The following BRINP3 variants were observed in gnomAD, a reference collection of about 807,000 sequenced individuals.
BRINP3 encodes BMP/retinoic acid-inducible neural-specific protein 3.
BRINP3 carries 19 observed loss-of-function variants against 71.0 expected under a neutral mutation model. That is an observed-to-expected ratio of 0.27 (90% CI 0.19 to 0.39). The LOEUF is 0.39. Ranked by LOEUF, BRINP3 falls within the 10% of genes least tolerant of loss-of-function variation. BRINP3 has a pLI of 1.00. For synonymous variants in BRINP3, 380 were observed against 337.7 expected, an observed-to-expected ratio of 1.13 and a Z score of -1.37; for missense variants, 959 against 940.8, an observed-to-expected ratio of 1.02 and a Z score of -0.25.
At chr1:190,354,339 G>A (rs2102067422) in intron 2 of BRINP3, among the ~76,000 whole-genome samples, 1 of 151,938 alleles carries the variant, frequency 6.6e-6, no homozygotes, top group Admixed American at 6.6e-5. Context: ...AACAAACTAC[G>A]ATGCACGGAC....
At chr1:190,200,893 T>C (rs1263165568) in intron 6 of BRINP3, among the ~76,000 whole-genome samples, 1 of 152,122 alleles carries the variant, frequency 6.6e-6, no homozygotes, top group Non-Finnish European at 1.5e-5. Flanking sequence ...TAAGTCCAAT[T>C]AAAAGCCTCT....
At chr1:190,454,509 G>C in intron 2 of BRINP3, 146 bp downstream of exon 2, 1 of 632,514 alleles carries the variant, frequency 1.6e-6, no homozygotes, top group Middle Eastern at 3.8e-4. Flanking sequence ...ACTTTGAATA[G>C]CAAGAAAACA....
chr1:190,338,927 A>G (rs1182995447), intron 2 of BRINP3, among the ~76,000 whole-genome samples: 1 of 151,940 alleles, frequency 6.6e-6, no homozygotes, highest in Admixed American at 6.6e-5. Flanking sequence ...CATAGTTACA[A>G]GGTGTGATGG....
At chr1:190,436,752 T>C (rs954317642) in intron 2 of BRINP3, among the ~76,000 whole-genome samples, 4 of 151,806 alleles carry the variant, frequency 2.6e-5, no homozygotes, top group African/African-American at 9.7e-5. Context: ...ATTGACTCAA[T>C]TGACCATAGC....
At chr1:190,338,913 T>C (rs1170575676) in intron 2 of BRINP3, among the ~76,000 whole-genome samples, 1 of 151,836 alleles carries the variant, frequency 6.6e-6, no homozygotes, top group East Asian at 1.9e-4. Context: ...GAATGTTTCT[T>C]ATGCATAGTT....
chr1:190,437,855 AT>A (rs1674567824), intron 2 of BRINP3, among the ~76,000 whole-genome samples: 1 of 151,840 alleles, frequency 6.6e-6, no homozygotes, highest in African/African-American at 2.4e-5. Context: ...TATAACATAT[AT>A]TGTAGAGGAG....
At chr1:190,476,757 C>T (rs1479080729) in intron 1 of BRINP3, among the ~76,000 whole-genome samples, 2 of 152,092 alleles carry the variant, frequency 1.3e-5, no homozygotes, top group Admixed American at 6.5e-5. Flanking sequence ...TAACTGTTCA[C>T]CAGCTAATTC....
intron 2 of BRINP3, among the ~76,000 whole-genome samples, chr1:190,299,590 C>G (rs1304124366): frequency 1.6e-4 from 19 of 120,294 alleles, no homozygotes; most frequent in African/African-American, 5.2e-4. Context: ...CCCCTCCCCC[C>G]ACCCCACAAC....
intron 7 of BRINP3, among the ~76,000 whole-genome samples, 161 bp from the exon 8 acceptor site, chr1:190,099,295 A>AAC (rs1252846023): frequency 5.7e-5 from 4 of 69,918 alleles, no homozygotes; most frequent in African/African-American, 2.2e-4. Flanking sequence ...TAGACTATAT[A>AAC]ATACACACAC....
At chr1:190,348,492 C>T (rs1406278478) in intron 2 of BRINP3, among the ~76,000 whole-genome samples, 1 of 152,124 alleles carries the variant, frequency 6.6e-6, no homozygotes, top group Non-Finnish European at 1.5e-5. Context: ...TTCTTAAATT[C>T]AGTTTGTTTC....
At chr1:190,157,970 A>C (rs1657011679) in intron 7 of BRINP3, among the ~76,000 whole-genome samples, 1 of 152,114 alleles carries the variant, frequency 6.6e-6, no homozygotes, top group South Asian at 2.1e-4. Flanking sequence ...CAGTAACATG[A>C]ATGCAGCTTG....
intron 6 of BRINP3, among the ~76,000 whole-genome samples, chr1:190,161,458 T>G (rs72729134): frequency 1.3e-5 from 2 of 151,734 alleles, no homozygotes; most frequent in Non-Finnish European, 2.9e-5. Context: ...ACCGATCTTA[T>G]TTTTAACCCT....
At chr1:190,162,949 G>A (rs1003234759) in intron 6 of BRINP3, among the ~76,000 whole-genome samples, 1 of 151,940 alleles carries the variant, frequency 6.6e-6, no homozygotes, top group African/African-American at 2.4e-5. Flanking sequence ...TTCAATCTAT[G>A]ACAACAAATA....
intron 2 of BRINP3, among the ~76,000 whole-genome samples, chr1:190,386,189 C>T (rs1238294026): frequency 6.7e-6 from 1 of 148,798 alleles, no homozygotes; most frequent in Non-Finnish European, 1.5e-5. Flanking sequence ...ATGTAACTAA[C>T]CTGCACAATG....
At chr1:190,443,779 T>C (rs1350866232) in intron 2 of BRINP3, among the ~76,000 whole-genome samples, 2 of 152,196 alleles carry the variant, frequency 1.3e-5, no homozygotes, top group Non-Finnish European at 2.9e-5. Context: ...GTTTGGGGCT[T>C]GGAAACCAAC....
At chr1:190,390,322 T>A (rs1325822067) in intron 2 of BRINP3, among the ~76,000 whole-genome samples, 1 of 151,662 alleles carries the variant, frequency 6.6e-6, no homozygotes, top group Non-Finnish European at 1.5e-5. Context: ...ATGGCTGAAA[T>A]TAAAAATTAT....
chr1:190,475,508 G>T (rs1382966086), intron 1 of BRINP3, among the ~76,000 whole-genome samples: 2 of 152,094 alleles, frequency 1.3e-5, no homozygotes, highest in African/African-American at 4.8e-5. Context: ...TGAGCTAGCA[G>T]GTCAGAGTAG....
At chr1:190,194,960 T>A (rs1044716919) in intron 6 of BRINP3, among the ~76,000 whole-genome samples, 2 of 152,096 alleles carry the variant, frequency 1.3e-5, no homozygotes, top group Non-Finnish European at 2.9e-5. Flanking sequence ...TATGTTAAAC[T>A]ATGTTTACAA....
intron 2 of BRINP3, among the ~76,000 whole-genome samples, chr1:190,431,169 C>T (rs1323459062): frequency 6.6e-6 from 1 of 151,852 alleles, no homozygotes; most frequent in African/African-American, 2.4e-5. Context: ...AAAAATAATT[C>T]CAGAAATGTA....
Sources: allele counts gnomAD v4.1 joint callset (sites outside exome capture counted in the v4.1 genomes callset), GRCh38; gene constraint gnomAD v4.1.1; transcripts MANE v1.5; gene names NCBI Gene and HGNC (gene_info 2026-07-23, HGNC 2026-07-21).